The following ZNF277 variants were observed in gnomAD, a reference collection of about 807,000 sequenced individuals.
The protein encoded by ZNF277 is nuclear receptor-interacting factor 4.
A neutral mutation model predicts 60.7 loss-of-function variants in ZNF277; 55 were observed. The observed-to-expected ratio is 0.91, with a 90% confidence interval of 0.73 to 1.13. The LOEUF (loss-of-function observed/expected upper bound fraction) is 1.13, where lower values mean the gene tolerates loss of function less well. ZNF277 is among the 50% of genes most tolerant of loss of function. ZNF277 has a pLI of 0.00. For synonymous variants in ZNF277, 178 were observed against 179.3 expected, an observed-to-expected ratio of 0.99 and a Z score of 0.06; for missense variants, 510 against 523.0, an observed-to-expected ratio of 0.98 and a Z score of 0.24.
At chr7:112,239,223 A>T (rs1313171580) in intron 1 of ZNF277, among the ~76,000 whole-genome samples, 1 of 152,184 alleles carries the variant, frequency 6.6e-6, no homozygotes, top group Non-Finnish European at 1.5e-5. Flanking sequence ...AGCCACAGGA[A>T]AAGAAAGCAC....
chr7:112,241,313 T>C (rs144949676), intron 1 of ZNF277, among the ~76,000 whole-genome samples: 1 of 152,150 alleles, frequency 6.6e-6, no homozygotes, highest in African/African-American at 2.4e-5. Context: ...CAATAAGATA[T>C]TATCTCACCT....
intron 1 of ZNF277, among the ~76,000 whole-genome samples, chr7:112,269,597 A>G (rs1053147301): frequency 2.0e-5 from 3 of 152,146 alleles, no homozygotes; most frequent in Non-Finnish European, 2.9e-5. Context: ...GGCATATGCA[A>G]GAAGACTTGT....
intron 4 of ZNF277, among the ~76,000 whole-genome samples, chr7:112,316,835 A>G (rs1297298540): frequency 1.3e-5 from 2 of 152,064 alleles, no homozygotes; most frequent in Non-Finnish European, 2.9e-5. Flanking sequence ...TCATTCTACT[A>G]TAAAGACACA....
At chr7:112,300,367 CTTCT>C (rs1224879008) in intron 4 of ZNF277, among the ~76,000 whole-genome samples, 3 of 152,278 alleles carry the variant, frequency 2.0e-5, no homozygotes, top group Admixed American at 6.5e-5. Flanking sequence ...GCTTGAACAC[CTTCT>C]TCCCTTTAGC....
chr7:112,216,936 A>C (rs1821900654), intron 1 of ZNF277, among the ~76,000 whole-genome samples: 1 of 152,220 alleles, frequency 6.6e-6, no homozygotes, highest in African/African-American at 2.4e-5. Flanking sequence ...GATTATTAGG[A>C]TGCATCCTAT....
chr7:112,342,554 T>C lies in ZNF277; in HGVS notation c.1185-7T>C. The C allele has an allele frequency of 6.2e-7, 1 of 1,600,758 alleles. No homozygotes were observed. The highest frequency in any genetic ancestry group is 8.5e-7 in the Non-Finnish European group (1 of 1,173,664). On this transcript the variant is annotated splice_region_variant and splice_polypyrimidine_tract_variant and intron_variant, in intron 11 of 11. Coordinates refer to ENST00000361822, the MANE Select transcript of ZNF277 (RefSeq NM_021994.3). The stretch of plus-strand genomic sequence containing the variant: ...ATTTAATACTATGTATCTGTGGTTG[T>C]TTTCAGGTATTATTTTCCAACCTAT...
chr7:112,323,825 A>G (rs977737768), intron 5 of ZNF277, among the ~76,000 whole-genome samples: 26 of 152,232 alleles, frequency 1.7e-4, no homozygotes, highest in African/African-American at 6.3e-4. Context: ...CTATTTCTGT[A>G]ATTTAATCCT....
chr7:112,242,017 G>A (rs916510130), intron 1 of ZNF277, among the ~76,000 whole-genome samples: 2 of 151,988 alleles, frequency 1.3e-5, no homozygotes, highest in Admixed American at 1.3e-4. Context: ...TATTTGTAAT[G>A]GAAATGATAA....
rs777997204 is a variant in ZNF277, at chr7:112,295,953, A to G, written c.378A>G (p.Pro126=). ...TAATAAGAATTAATTCCACTGCTCCATTTGGTAAGTGTACATCTTGGCTAC... is the reference window on the plus strand; with the variant it reads ...TAATAAGAATTAATTCCACTGCTCCGTTTGGTAAGTGTACATCTTGGCTAC... ...CSVIRINSTA[P]FEEQENYFLL... is the part of the protein sequence containing the mutation. The change falls in exon 3 of 12, where the codon CCA becomes CCG. Residue 126 remains proline, a synonymous_variant. Coordinates refer to ENST00000361822, the MANE Select transcript of ZNF277 (RefSeq NM_021994.3). 1.9e-6 allele frequency: 3 copies of G among 1,608,800 alleles called. No individual in the cohort carries two copies. Among genetic ancestry groups the G allele is most frequent in the Non-Finnish European group, 1.7e-6 (2 of 1,175,464 alleles).
chr7:112,215,860 G>C (rs543019343), intron 1 of ZNF277, among the ~76,000 whole-genome samples: 1 of 152,166 alleles, frequency 6.6e-6, no homozygotes, highest in Admixed American at 6.5e-5. Context: ...AATTGTAATC[G>C]TGGTTATTTA....
At chr7:112,281,096 C>T (rs764081571) in intron 1 of ZNF277, among the ~76,000 whole-genome samples, 24 of 152,314 alleles carry the variant, frequency 1.6e-4, no homozygotes, top group Non-Finnish European at 2.9e-4. Flanking sequence ...GCCGCAAGGC[C>T]ATGTCACCTA....
chr7:112,334,857 C>A (rs1360571731), intron 7 of ZNF277, among the ~76,000 whole-genome samples: 1 of 152,118 alleles, frequency 6.6e-6, no homozygotes, highest in Non-Finnish European at 1.5e-5. Flanking sequence ...AACTTTCTAA[C>A]AAGCATCTTG....
At chr7:112,321,881 G>A (rs1792990585) in intron 5 of ZNF277, among the ~76,000 whole-genome samples, 1 of 152,122 alleles carries the variant, frequency 6.6e-6, no homozygotes, top group Admixed American at 6.6e-5. Flanking sequence ...GTAAGGAGTT[G>A]ACTTTTTTCT....
intron 7 of ZNF277, among the ~76,000 whole-genome samples, chr7:112,334,093 G>GT (rs1423197569): frequency 2.0e-5 from 3 of 152,114 alleles, no homozygotes; most frequent in African/African-American, 7.2e-5. Context: ...ATTTTTCATA[G>GT]TTTTTTATAG....
chr7:112,223,925 A>G (rs1822102332), intron 1 of ZNF277, among the ~76,000 whole-genome samples: 2 of 152,210 alleles, frequency 1.3e-5, no homozygotes, highest in Non-Finnish European at 2.9e-5. Context: ...TGACTCCTGT[A>G]AGGAAATTTC....
chr7:112,272,737 G>A (rs1171662126), intron 1 of ZNF277, among the ~76,000 whole-genome samples: 4 of 152,036 alleles, frequency 2.6e-5, no homozygotes, highest in East Asian at 1.9e-4. Flanking sequence ...CAAGTGATCC[G>A]CCCACCTCGG....
At chr7:112,332,506 G>C (rs1347097897) in intron 7 of ZNF277, among the ~76,000 whole-genome samples, 1 of 152,084 alleles carries the variant, frequency 6.6e-6, no homozygotes, top group Non-Finnish European at 1.5e-5. Flanking sequence ...AAGTAATGGT[G>C]ATGAGTTCAT....
intron 5 of ZNF277, among the ~76,000 whole-genome samples, chr7:112,320,670 C>T (rs373019433): frequency 3.9e-5 from 6 of 151,974 alleles, no homozygotes; most frequent in African/African-American, 9.7e-5. Context: ...GTCTTTGAAT[C>T]GAAAGTATAT....
intron 2 of ZNF277, among the ~76,000 whole-genome samples, chr7:112,291,015 A>G (rs1359319747): frequency 6.6e-6 from 1 of 152,218 alleles, no homozygotes; most frequent in African/African-American, 2.4e-5. Context: ...TACAAGAAGT[A>G]AGCTATAAGT....
Sources: gnomAD v4.1 joint callset for allele counts (sites outside exome capture counted in the v4.1 genomes callset) on GRCh38, gnomAD v4.1.1 for gene constraint, MANE v1.5 for transcripts, NCBI Gene and HGNC (gene_info 2026-07-23, HGNC 2026-07-21) for gene names.